Variants in HHAT observed in about 807,000 individuals in gnomAD.
The protein encoded by HHAT is hedgehog acyltransferase.
Under a neutral mutation model 70.8 loss-of-function variants are expected in HHAT, and 47 were observed. The observed-to-expected ratio is 0.66, with a 90% CI of 0.53 to 0.85. The LOEUF is 0.85. Among genes scored for constraint, HHAT ranks in the 40% least tolerant of loss-of-function variants. The probability of loss-of-function intolerance (pLI) is 0.00; values close to 1 mark genes in which losing one functional copy is unlikely to be tolerated. For missense variants in HHAT, 609 were observed against 604.8 expected, an observed-to-expected ratio of 1.01 and a Z score of -0.07; for synonymous variants, 228 against 247.6, an observed-to-expected ratio of 0.92 and a Z score of 0.74.
At chr1:210,524,498 T>C (rs2095216211) in intron 9 of HHAT, among the ~76,000 whole-genome samples, 2 of 152,078 alleles carry the variant, frequency 1.3e-5, no homozygotes, top group Non-Finnish European at 2.9e-5. Flanking sequence ...AGGAACATGC[T>C]TGAGGAACAG....
intron 6 of HHAT, among the ~76,000 whole-genome samples, chr1:210,411,813 C>A (rs1231681091): frequency 6.8e-6 from 1 of 146,784 alleles, no homozygotes; most frequent in South Asian, 2.2e-4. Context: ...GCTGCCTCTA[C>A]ATGTCTTACA....
chr1:210,480,432 A>G (rs1009592432), intron 8 of HHAT, among the ~76,000 whole-genome samples: 1 of 152,232 alleles, frequency 6.6e-6, no homozygotes, highest in Admixed American at 6.5e-5. Context: ...GTAATGGAAC[A>G]CTAGCCATAA....
chr1:210,465,650 A>G (rs1322869305), intron 8 of HHAT, among the ~76,000 whole-genome samples: 1 of 152,252 alleles, frequency 6.6e-6, no homozygotes, highest in East Asian at 1.9e-4. Flanking sequence ...TCTATAGGCA[A>G]AAAAACCAAG....
Position 210,373,398 on chromosome 1 carries a change from A to T in HHAT, c.159+10479A>T, listed in dbSNP as rs1425744117. Among the ~76,000 whole-genome samples, 3 of 152,216 alleles carry T rather than the reference A, an allele frequency of 2.0e-5. No individual in the cohort carries two copies. In the East Asian group the frequency reaches 5.8e-4, roughly 29 times the overall value. ...TTCTTAAAAAGGTTATTACCTTTTAAAATCATGACATGACAGTTGATAAGC... is the reference window on the plus strand; with the variant it reads ...TTCTTAAAAAGGTTATTACCTTTTATAATCATGACATGACAGTTGATAAGC... On this transcript the variant is annotated intron_variant, in intron 3 of 11. Coordinates refer to ENST00000261458, the MANE Select transcript of HHAT (RefSeq NM_018194.6).
intron 3 of HHAT, among the ~76,000 whole-genome samples, chr1:210,365,901 C>T (rs2088905611): frequency 6.6e-6 from 1 of 150,836 alleles, no homozygotes; most frequent in South Asian, 2.1e-4. Context: ...GAATCATGAG[C>T]CACCATGCCT....
intron 2 of HHAT, 127 bp downstream of exon 2, chr1:210,349,193 C>T (rs1558327295): frequency 3.0e-6 from 3 of 1,000,130 alleles, no homozygotes; most frequent in East Asian, 5.1e-5. Flanking sequence ...GATTTGCTTC[C>T]CCATGTCTTG....
At chr1:210,566,414 G>A (rs1197206747) in intron 9 of HHAT, among the ~76,000 whole-genome samples, 1 of 152,062 alleles carries the variant, frequency 6.6e-6, no homozygotes. Flanking sequence ...CCTCAAGCCT[G>A]GATACCCATG....
At chr1:210,605,254 A>G (rs139732646) in intron 10 of HHAT, among the ~76,000 whole-genome samples, 312 of 152,340 alleles carry the variant, frequency 2.0e-3, no homozygotes, top group African/African-American at 7.4e-3. Flanking sequence ...AGACTGGGGA[A>G]GGTAAATAAT....
At chr1:210,592,544 G>T (rs940364970) in intron 10 of HHAT, among the ~76,000 whole-genome samples, 2 of 114,348 alleles carry the variant, frequency 1.7e-5, no homozygotes, top group African/African-American at 2.9e-5. Context: ...TAAGTTTTAG[G>T]ATTTTTTTTT....
chr1:210,532,372 G>A (rs567128101), intron 9 of HHAT, among the ~76,000 whole-genome samples: 2 of 152,228 alleles, frequency 1.3e-5, no homozygotes, highest in African/African-American at 2.4e-5. Flanking sequence ...CTCTGGACTC[G>A]ATAACATTTT....
At chr1:210,354,729 G>T in intron 2 of HHAT, among the ~76,000 whole-genome samples, 1 of 152,110 alleles carries the variant, frequency 6.6e-6, no homozygotes, top group East Asian at 1.9e-4. Flanking sequence ...ATACTGTGCC[G>T]TTTTAATTAT....
intron 9 of HHAT, among the ~76,000 whole-genome samples, chr1:210,545,407 C>G (rs375564922): frequency 6.6e-6 from 1 of 151,060 alleles, no homozygotes; most frequent in Non-Finnish European, 1.5e-5. Flanking sequence ...CCCTTCACAA[C>G]TCAATTTAGT....
intron 7 of HHAT, among the ~76,000 whole-genome samples, chr1:210,456,063 TC>T (rs1313581770): frequency 3.9e-5 from 6 of 152,070 alleles, no homozygotes; most frequent in Non-Finnish European, 8.8e-5. Context: ...TTTGTCCCCT[TC>T]TGTTTGGCTG....
chr1:210,348,762 T>TGTGC (rs1553317702), intron 1 of HHAT, among the ~76,000 whole-genome samples, 171 bp from the exon 2 acceptor site: 2 of 150,630 alleles, frequency 1.3e-5, no homozygotes, highest in Admixed American at 1.3e-4. Flanking sequence ...TGTGTGTGTG[T>TGTGC]TGGATGCAGG....
intron 7 of HHAT, among the ~76,000 whole-genome samples, chr1:210,431,143 G>T (rs541483519): frequency 5.9e-5 from 9 of 151,836 alleles, no homozygotes; most frequent in Non-Finnish European, 1.2e-4. Context: ...GTTTATTTCT[G>T]CCAGGTGCTT....
intron 11 of HHAT, among the ~76,000 whole-genome samples, chr1:210,639,410 A>G (rs1346375135): frequency 6.6e-6 from 1 of 152,252 alleles, no homozygotes; most frequent in African/African-American, 2.4e-5. Flanking sequence ...CACTTAGCAT[A>G]AGATGAGTTT....
At chr1:210,417,480 C>G (rs931678647) in intron 6 of HHAT, among the ~76,000 whole-genome samples, 1 of 152,138 alleles carries the variant, frequency 6.6e-6, no homozygotes, top group Non-Finnish European at 1.5e-5. Flanking sequence ...GGTGATCTGC[C>G]CACCTGGGCC....
intron 9 of HHAT, among the ~76,000 whole-genome samples, chr1:210,587,324 G>C (rs529606477): frequency 2.6e-5 from 4 of 152,220 alleles, no homozygotes; most frequent in Non-Finnish European, 4.4e-5. Flanking sequence ...AGGCCGGAGA[G>C]CATGTGCAGG....
intron 10 of HHAT, among the ~76,000 whole-genome samples, chr1:210,598,681 G>A (rs1663564397): frequency 6.6e-6 from 1 of 152,180 alleles, no homozygotes; most frequent in Non-Finnish European, 1.5e-5. Context: ...GTCACTCCCC[G>A]TGGCTGCTGT....
Sources: gnomAD v4.1 joint callset for allele counts (sites outside exome capture counted in the v4.1 genomes callset) on GRCh38, gnomAD v4.1.1 for gene constraint, MANE v1.5 for transcripts, NCBI Gene and HGNC (gene_info 2026-07-23, HGNC 2026-07-21) for gene names.